Variants in CHID1 observed in about 807,000 individuals in gnomAD.
The protein encoded by CHID1 is chitinase domain containing 1, also known as chitinase domain-containing protein 1.
Under a neutral mutation model 55.4 loss-of-function variants are expected in CHID1, and 44 were observed. The ratio of observed to expected loss-of-function variants is 0.79; its 90% CI spans 0.62 to 1.02. The LOEUF is 1.02. Among genes scored for constraint, CHID1 ranks in the 50% least tolerant of loss-of-function variants. CHID1 has a pLI of 0.00. For synonymous variants in CHID1, 216 were observed against 212.9 expected (o/e 1.01, Z -0.13); for missense variants, 491 against 515.3 (o/e 0.95, Z 0.46).
At chr11:909,601 G>A (rs1852494977) in intron 1 of CHID1, among the ~76,000 whole-genome samples, 1 of 152,242 alleles carries the variant, frequency 6.6e-6, no homozygotes, top group Non-Finnish European at 1.5e-5. Context: ...TGTATGTCAT[G>A]TGTGCACATG....
intron 7 of CHID1, among the ~76,000 whole-genome samples, chr11:894,159 C>T (rs991801770): frequency 1.4e-5 from 2 of 146,678 alleles, no homozygotes; most frequent in Non-Finnish European, 1.5e-5. Flanking sequence ...AAGGACACAC[C>T]AGGTAAGAAA....
chr11:872,002 C>T (rs889336816), intron 10 of CHID1, among the ~76,000 whole-genome samples: 1 of 152,210 alleles, frequency 6.6e-6, no homozygotes, highest in African/African-American at 2.4e-5. Flanking sequence ...GCCACCCCCC[C>T]AGCAGTGCTC....
At chr11:911,446 G>A (rs1419547188), upstream of CHID1, 1 of 152,122 alleles carries the variant, frequency 6.6e-6, no homozygotes. Context: ...CAGCACTTTT[G>A]AGTCACCGCG....
At chr11:889,897 C>G (rs1277572217) in intron 8 of CHID1, among the ~76,000 whole-genome samples, 1 of 152,238 alleles carries the variant, frequency 6.6e-6, no homozygotes, top group African/African-American at 2.4e-5. Context: ...CCCTCCCCCT[C>G]TGCCCACCTG....
chr11:902,065 CAG>C (rs1851855648), intron 4 of CHID1, 131 bp downstream of exon 4: 3 of 955,332 alleles, frequency 3.1e-6, no homozygotes, highest in Admixed American at 4.5e-5. Flanking sequence ...TTAAATCACG[CAG>C]AGACACACAC....
chr11:887,143 CCT>C (rs972919417), intron 8 of CHID1, among the ~76,000 whole-genome samples: 27 of 152,264 alleles, frequency 1.8e-4, no homozygotes, highest in African/African-American at 6.5e-4. Context: ...TCAAGCTCCT[CCT>C]CTCAGCCTCC....
intron 10 of CHID1, among the ~76,000 whole-genome samples, chr11:871,905 TC>T (rs1296656154): frequency 2.6e-5 from 4 of 152,198 alleles, no homozygotes; most frequent in Non-Finnish European, 4.4e-5. Flanking sequence ...GCTGCTGTTG[TC>T]CTGAGCAGGG....
intron 10 of CHID1, among the ~76,000 whole-genome samples, chr11:877,244 G>GTGCAACTGCCCACGGGAAGC (rs1342091907): frequency 6.6e-6 from 1 of 152,126 alleles, no homozygotes; most frequent in East Asian, 1.9e-4. Context: ...TCATGGGTGG[G>GTGCAACTGCCCACGGGAAGC]TGCAACTGCC....
chr11:914,739 A>C (rs1305256458), upstream of CHID1: 5 of 342,638 alleles, frequency 1.5e-5, no homozygotes, highest in South Asian at 2.2e-5. Context: ...AAAAAAAATT[A>C]CTCACACCTG....
intron 7 of CHID1, among the ~76,000 whole-genome samples, chr11:895,956 C>A (rs941072152): frequency 1.6e-4 from 25 of 152,190 alleles, no homozygotes; most frequent in African/African-American, 5.8e-4. Flanking sequence ...TGCTCGCAGG[C>A]TGCTCCCAAC....
At position 893,374 on chromosome 11, in the gene CHID1, C is replaced by T; in HGVS notation, c.701+53G>A. On this transcript the variant is annotated intron_variant, in intron 8 of 12. Coordinates refer to ENST00000323578, the MANE Select transcript of CHID1 (RefSeq NM_023947.4). ...TGGCCGACACCCTGCACTGGCTGCC[C>T]CCGACCCCAGAGCCCTCCACAGCCA... 10 of 1,465,596 alleles carry T rather than the reference C, an allele frequency of 6.8e-6. No homozygotes were observed. The South Asian group carries it at 1.0e-4, about 15-fold the overall frequency. 90.8% of individuals were successfully genotyped at this position (1,465,596 alleles called of 1,614,324 possible).
chr11:914,522 C>T (rs1852846005), upstream of CHID1: 2 of 1,289,206 alleles, frequency 1.6e-6, no homozygotes, highest in African/African-American at 1.5e-5. Context: ...CCATGCCTTA[C>T]CTGGGATATT....
chr11:900,021 C>G lies in CHID1; in HGVS notation c.529G>C (p.Val177Leu). 3.7e-6 allele frequency: 6 copies of G among 1,613,798 alleles called. No homozygotes were observed. Among genetic ancestry groups the G allele is most frequent in the Non-Finnish European group, 5.1e-6 (6 of 1,179,742 alleles). Residue 177 changes from valine to leucine, a missense_variant, in exon 6 of 13, where the codon GTG becomes CTG. Transcript: ENST00000323578. ...EDEIEELSKT[V>L]VQVAKNQHFD... Reference sequence around the variant, plus strand: ...GGTCTCACCTTTGCCACCTGGACCACGGTCTTGCTCAGCTCCTCTATCTCA... The same window carrying G: ...GGTCTCACCTTTGCCACCTGGACCAGGGTCTTGCTCAGCTCCTCTATCTCA...
At chr11:870,623 G>T in intron 10 of CHID1, 124 bp from the exon 11 acceptor site, 1 of 683,504 alleles carries the variant, frequency 1.5e-6, no homozygotes, top group Non-Finnish European at 2.6e-6. Context: ...GTCCCCAGTG[G>T]TCTGGGGGAC....
In CHID1 at chr11:884,752, G is replaced by A. The variant is rs913999598; in HGVS notation, c.702-583C>T. Among the ~76,000 whole-genome samples, 11 of 152,248 alleles carry A rather than the reference G, an allele frequency of 7.2e-5. 1 individual carries two copies. In the East Asian group the frequency reaches 1.9e-3, roughly 27 times the overall value. ...CTGTGTGGCACATTCCCCAGCATGG[G>A]GGAAGGGGCGCCAGGGCAGGTGGTC... On this transcript the variant is annotated intron_variant, in intron 8 of 12. Transcript: ENST00000323578.
chr11:874,260 G>A (rs796379456), intron 10 of CHID1, among the ~76,000 whole-genome samples: 6 of 152,282 alleles, frequency 3.9e-5, no homozygotes, highest in East Asian at 1.9e-4. Flanking sequence ...TCAGGAGTTC[G>A]AGACCAGCCT....
intron 10 of CHID1, among the ~76,000 whole-genome samples, chr11:877,232 A>G (rs922327288): frequency 2.0e-5 from 3 of 152,102 alleles, no homozygotes; most frequent in Non-Finnish European, 4.4e-5. Context: ...TTCTCAGAAC[A>G]ATCATGGGTG....
chr11:900,319 G>A (rs765969037), intron 5 of CHID1, among the ~76,000 whole-genome samples: 1 of 152,140 alleles, frequency 6.6e-6, no homozygotes, highest in Non-Finnish European at 1.5e-5. Flanking sequence ...GGTGGGGAAG[G>A]AGCGAGCAGA....
intron 8 of CHID1, among the ~76,000 whole-genome samples, chr11:885,792 T>C (rs1224004768): frequency 1.3e-5 from 2 of 152,098 alleles, no homozygotes; most frequent in African/African-American, 4.8e-5. Context: ...AGCGGCACGA[T>C]CCTATCTCAC....
Sources: allele counts gnomAD v4.1 joint callset (sites outside exome capture counted in the v4.1 genomes callset), GRCh38; gene constraint gnomAD v4.1.1; transcripts MANE v1.5; gene names NCBI Gene and HGNC (gene_info 2026-07-23, HGNC 2026-07-21).